USP10: variants seen among roughly 807,000 people sequenced by gnomAD.
The protein encoded by USP10 is ubiquitin specific peptidase 10.
A neutral mutation model predicts 84.5 loss-of-function variants in USP10; 22 were observed. The observed-to-expected ratio is 0.26, with a 90% CI of 0.19 to 0.37. The LOEUF is 0.37. USP10 is among the 10% of genes least tolerant of loss of function. USP10 has a pLI of 1.00. For missense variants in USP10, 1,019 were observed against 998.9 expected (o/e 1.02, Z -0.27); for synonymous variants, 454 against 387.6 (o/e 1.17, Z -2.01).
intron 2 of USP10, among the ~76,000 whole-genome samples, chr16:84,736,108 G>T (rs11642461): frequency 0.055 from 7,374 of 134,674 alleles, 269 homozygotes; most frequent in Middle Eastern, 0.073. Context: ...CGAGGGGAGG[G>T]CGTGTCACTT....
chr16:84,710,316 G>A (rs1176549382), intron 1 of USP10, among the ~76,000 whole-genome samples: 2 of 151,918 alleles, frequency 1.3e-5, no homozygotes, highest in African/African-American at 4.8e-5. Flanking sequence ...ATTGTGCAGG[G>A]GTCTTACTTA....
At chr16:84,771,610 T>G (rs368382004) in intron 11 of USP10, among the ~76,000 whole-genome samples, 2 of 152,378 alleles carry the variant, frequency 1.3e-5, no homozygotes, top group Admixed American at 6.5e-5. Context: ...GGCTCACGCC[T>G]GTAATCTCAG....
intron 1 of USP10, among the ~76,000 whole-genome samples, chr16:84,700,343 G>T (rs1194241385): frequency 2.0e-5 from 3 of 152,008 alleles, no homozygotes; most frequent in African/African-American, 7.2e-5. Context: ...AAGGGCGGGG[G>T]CTCCGGGCCC....
chr16:84,724,724 C>G (rs899253847), intron 1 of USP10, among the ~76,000 whole-genome samples: 1 of 152,174 alleles, frequency 6.6e-6, no homozygotes, highest in Non-Finnish European at 1.5e-5. Context: ...CATGCCCTGA[C>G]CCCTGTGTGT....
chr16:84,751,016 A>G (rs1043649856), intron 4 of USP10, among the ~76,000 whole-genome samples: 1 of 152,238 alleles, frequency 6.6e-6, no homozygotes, highest in Non-Finnish European at 1.5e-5. Context: ...TTAAGTGTAA[A>G]TGAACATACA....
intron 2 of USP10, among the ~76,000 whole-genome samples, chr16:84,739,009 C>T (rs1188904318): frequency 6.6e-6 from 1 of 152,066 alleles, no homozygotes; most frequent in African/African-American, 2.4e-5. Context: ...TTTTGTTCTG[C>T]CCTCAGGTAG....
intron 9 of USP10, 90 bp downstream of exon 9, chr16:84,763,178 C>T (rs574862595): frequency 1.4e-5 from 10 of 698,072 alleles, no homozygotes; most frequent in East Asian, 2.7e-5. Context: ...TTCCCTGCCC[C>T]TCAGTCGTTT....
intron 1 of USP10, among the ~76,000 whole-genome samples, chr16:84,725,390 T>C (rs1456299606): frequency 6.6e-6 from 1 of 152,196 alleles, no homozygotes; most frequent in Admixed American, 6.5e-5. Flanking sequence ...CTTTTTCTTT[T>C]TCTCTTTCTT....
rs534120620 is a variant in USP10, at chr16:84,764,396, C to G, written c.1832+133C>G. 2.0e-5 allele frequency: 25 copies of G among 1,234,434 alleles called. No individual in the cohort carries two copies. In the African/African-American group the frequency reaches 3.2e-4, roughly 16 times the overall value. The allele number at this position is 1,234,434 out of a possible 1,614,324, so 76.5% of individuals were successfully genotyped here. A position where few individuals can be genotyped will look rare whatever the true frequency, so the allele number is the denominator to read the frequency against. On this transcript the variant is annotated intron_variant, in intron 10 of 13. Transcript: ENST00000219473. ...TTTGCATCTTGCTCCCCTGCCTGCT[C>G]TTCTCTTGCACTTCCTGATGCTTCC... is the stretch of plus-strand genomic sequence containing the variant.
rs373590750 is a variant in USP10 at position 84,764,209 on chromosome 16, G to T, written c.1778G>T (p.Arg593Leu). ...CCCCGGAACAAGACTTCCGTCACCC[G>T]CCAGGCGGATTTTGTTCAGACTCCA... ...VGPRNKTSVT[R>L]QADFVQTPIT... The change falls in exon 10 of 14, where the codon CGC becomes CTC. Residue 593 changes from arginine to leucine, a missense_variant. Transcript: ENST00000219473. The T allele has an allele frequency of 1.2e-6, 2 of 1,613,976 alleles. No homozygotes were observed. Among genetic ancestry groups the T allele is most frequent in the East Asian group, 4.5e-5 (2 of 44,886 alleles).
intron 4 of USP10, among the ~76,000 whole-genome samples, chr16:84,746,853 CTCTT>C (rs374404036): frequency 4.5e-4 from 69 of 152,170 alleles, no homozygotes; most frequent in Non-Finnish European, 8.5e-4. Flanking sequence ...AACTTTTTGA[CTCTT>C]TCATGAGAAC....
At chr16:84,740,499 T>G in intron 3 of USP10, 130 bp downstream of exon 3, 1 of 730,858 alleles carries the variant, frequency 1.4e-6, no homozygotes, top group Non-Finnish European at 2.3e-6. Context: ...TGCTGTAAAC[T>G]GTAATGTATT....
At chr16:84,734,980 C>G (rs1354729510) in intron 2 of USP10, among the ~76,000 whole-genome samples, 1 of 152,168 alleles carries the variant, frequency 6.6e-6, no homozygotes, top group Non-Finnish European at 1.5e-5. Flanking sequence ...TATTGCTTAT[C>G]TCTGTATAAA....
At chr16:84,749,886 C>A (rs759963593) in intron 4 of USP10, among the ~76,000 whole-genome samples, 9 of 152,164 alleles carry the variant, frequency 5.9e-5, no homozygotes, top group Non-Finnish European at 1.2e-4. Flanking sequence ...TATGTGTCAA[C>A]ATTTTGTTCC....
intron 1 of USP10, among the ~76,000 whole-genome samples, chr16:84,727,965 G>A (rs1908724272): frequency 6.6e-6 from 1 of 152,180 alleles, no homozygotes; most frequent in South Asian, 2.1e-4. Flanking sequence ...ATCCAGTCTA[G>A]GGTCAGGAAA....
At chr16:84,761,244 C>T (rs752357545) in intron 8 of USP10, among the ~76,000 whole-genome samples, 9 of 152,156 alleles carry the variant, frequency 5.9e-5, no homozygotes, top group Non-Finnish European at 1.3e-4. Flanking sequence ...GCCCACCTAG[C>T]ACAGGTGGAG....
chr16:84,752,017 T>A (rs187437070), intron 4 of USP10, among the ~76,000 whole-genome samples: 1 of 152,330 alleles, frequency 6.6e-6, no homozygotes, highest in African/African-American at 2.4e-5. Flanking sequence ...CCATCTAGCA[T>A]GTATGTCTTA....
intron 1 of USP10, among the ~76,000 whole-genome samples, chr16:84,730,603 C>G (rs998863604): frequency 3.3e-5 from 5 of 152,308 alleles, no homozygotes; most frequent in South Asian, 2.1e-4. Context: ...GCTGAAGCCA[C>G]TTGGTGTCTG....
intron 8 of USP10, among the ~76,000 whole-genome samples, chr16:84,761,452 A>G (rs1025169724): frequency 2.6e-5 from 4 of 152,262 alleles, no homozygotes; most frequent in Non-Finnish European, 4.4e-5. Flanking sequence ...GCTGACAGCA[A>G]AAGCATGCGG....
Sources: gnomAD v4.1 joint callset for allele counts (sites outside exome capture counted in the v4.1 genomes callset) on GRCh38, gnomAD v4.1.1 for gene constraint, MANE v1.5 for transcripts, NCBI Gene and HGNC (gene_info 2026-07-23, HGNC 2026-07-21) for gene names.